The following KLF12 variants were observed in gnomAD, a reference collection of about 807,000 sequenced individuals.
KLF12 encodes the protein KLF transcription factor 12, also known as Krueppel-like factor 12.
Under a neutral mutation model 37.8 loss-of-function variants are expected in KLF12, and 9 were observed. That is an observed-to-expected ratio of 0.24 (90% CI 0.14 to 0.42). KLF12 has a LOEUF of 0.42. KLF12 is among the 10% of genes least tolerant of loss of function. KLF12 has a pLI of 1.00. For synonymous variants in KLF12, 208 were observed against 202.1 expected (o/e 1.03, Z -0.25); for missense variants, 411 against 516.0 (o/e 0.80, Z 1.97).
At chr13:74,015,502 C>T (rs1194217887) in intron 1 of KLF12, among the ~76,000 whole-genome samples, 1 of 152,130 alleles carries the variant, frequency 6.6e-6, no homozygotes, top group African/African-American at 2.4e-5. Context: ...TTTTATCCAC[C>T]CTAGTGCGCC....
At position 73,693,793 on chromosome 13, in the gene KLF12, GCAA is replaced by G. The variant is rs375363937; in HGVS notation, c.*1694_*1696del. 120 of 152,584 alleles carry G rather than the reference GCAA, an allele frequency of 7.9e-4. No individual in the cohort carries two copies. The highest frequency in any genetic ancestry group is 2.6e-3 in the African/African-American group (109 of 41,524). 9.5% of individuals were successfully genotyped at this position (152,584 alleles called of 1,614,324 possible). ...TATATCTAAGCTATAAAAAATTCTA[GCAA>G]CAACAACAATAACAACAAAAAATCT... On this transcript the variant is annotated 3_prime_UTR_variant, in exon 8 of 8. Coordinates refer to ENST00000377669, the MANE Select transcript of KLF12 (RefSeq NM_007249.5).
the KLF12 span, among the ~76,000 whole-genome samples, chr13:74,205,947 G>T: frequency 6.6e-6 from 1 of 152,144 alleles, no homozygotes; most frequent in African/African-American, 2.4e-5. Flanking sequence ...GCTTCCAGTT[G>T]CCTTGGAGGT....
chr13:74,058,623 TG>T, intron 1 of KLF12, among the ~76,000 whole-genome samples: 1 of 152,284 alleles, frequency 6.6e-6, no homozygotes, highest in African/African-American at 2.4e-5. Flanking sequence ...CCCAAAGTGC[TG>T]GGATTACAGG....
intron 3 of KLF12, among the ~76,000 whole-genome samples, chr13:73,904,045 G>T: frequency 6.6e-6 from 1 of 152,170 alleles, no homozygotes; most frequent in East Asian, 1.9e-4. Flanking sequence ...TGGCATCAAG[G>T]ATGACCATAA....
chr13:74,230,604 A>G, the KLF12 span, among the ~76,000 whole-genome samples: 1 of 152,170 alleles, frequency 6.6e-6, no homozygotes, highest in Non-Finnish European at 1.5e-5. Flanking sequence ...CCAAATGGGT[A>G]ACAGCTGGTT....
chr13:73,927,745 A>AT (rs34515464), intron 3 of KLF12, among the ~76,000 whole-genome samples: 3,264 of 135,986 alleles, frequency 0.024, 65 homozygotes, highest in African/African-American at 0.053. Context: ...ACCCGGCTAA[A>AT]TTTTTTTTTT....
At chr13:73,922,289 A>G (rs1889152273) in intron 3 of KLF12, among the ~76,000 whole-genome samples, 1 of 152,088 alleles carries the variant, frequency 6.6e-6, no homozygotes. Context: ...TCAGTTGTCT[A>G]TGTTAGACAT....
At chr13:74,238,211 T>C in the KLF12 span, among the ~76,000 whole-genome samples, 1 of 131,230 alleles carries the variant, frequency 7.6e-6, no homozygotes, top group Admixed American at 7.1e-5. Context: ...GTGGTTTTTG[T>C]CTTTGGCTCT....
the KLF12 span, among the ~76,000 whole-genome samples, chr13:74,232,314 T>C: frequency 6.6e-6 from 1 of 152,272 alleles, no homozygotes; most frequent in Non-Finnish European, 1.5e-5. Context: ...ATAGATTTTC[T>C]ATTTCCAAAT....
At chr13:73,847,051 T>TA (rs1280176752) in intron 3 of KLF12, among the ~76,000 whole-genome samples, 2 of 152,186 alleles carry the variant, frequency 1.3e-5, no homozygotes, top group Non-Finnish European at 2.9e-5. Context: ...TGCACTCTTT[T>TA]AAGTTTTAAT....
At chr13:73,753,141 G>A (rs1401129165) in intron 6 of KLF12, among the ~76,000 whole-genome samples, 3 of 152,098 alleles carry the variant, frequency 2.0e-5, no homozygotes, top group African/African-American at 7.2e-5. Context: ...CCTGCTCAAA[G>A]TCATCCGCGG....
the KLF12 span, among the ~76,000 whole-genome samples, chr13:74,270,214 T>A: frequency 6.6e-6 from 1 of 152,300 alleles, no homozygotes; most frequent in East Asian, 1.9e-4. Flanking sequence ...TAGTGTATGC[T>A]AACAAGGTGA....
At chr13:73,903,146 A>G (rs963429476) in intron 3 of KLF12, among the ~76,000 whole-genome samples, 2 of 152,226 alleles carry the variant, frequency 1.3e-5, no homozygotes, top group African/African-American at 4.8e-5. Context: ...CTAACAAAAG[A>G]TATCTTCTCA....
chr13:74,256,271 AAAC>A, the KLF12 span, among the ~76,000 whole-genome samples: 2 of 152,210 alleles, frequency 1.3e-5, no homozygotes, highest in Non-Finnish European at 2.9e-5. Flanking sequence ...TAAAAACAAT[AAAC>A]AACACAAACA....
At chr13:74,029,445 G>C (rs1177316345) in intron 1 of KLF12, among the ~76,000 whole-genome samples, 1 of 151,976 alleles carries the variant, frequency 6.6e-6, no homozygotes, top group African/African-American at 2.4e-5. Context: ...TCATAAAATT[G>C]GTACAGGCAT....
chr13:74,233,518 C>T, the KLF12 span, among the ~76,000 whole-genome samples: 2 of 152,192 alleles, frequency 1.3e-5, no homozygotes, highest in African/African-American at 4.8e-5. Flanking sequence ...GATTCATAAT[C>T]TGTAACACTT....
rs375759694 is a variant in KLF12, at chr13:74,093,171, G to A, written c.-32+40568C>T. Among the ~76,000 whole-genome samples the A allele has an allele frequency of 3.9e-5, 6 of 152,182 alleles. No homozygotes were observed. The East Asian group carries it at 7.7e-4, about 19-fold the overall frequency. On this transcript the variant is annotated intron_variant, in intron 1 of 7. Transcript: ENST00000377669. The stretch of plus-strand genomic sequence containing the variant: ...CCTTTTATTACTTAAGCCTGCCTGA[G>A]TTCATTTTCTTTACTCAAAATCAAA...
At chr13:73,949,959 GT>G (rs34494211) in intron 2 of KLF12, among the ~76,000 whole-genome samples, 49,528 of 151,948 alleles carry the variant, frequency 0.33, 9,796 homozygotes, top group East Asian at 0.59. Flanking sequence ...TCCCCCATAT[GT>G]TTCAATGATC....
At chr13:74,039,356 C>A (rs1295074301) in intron 1 of KLF12, among the ~76,000 whole-genome samples, 2 of 151,964 alleles carry the variant, frequency 1.3e-5, no homozygotes, top group Non-Finnish European at 2.9e-5. Context: ...GGCAACACAG[C>A]AAGACCCCAT....
Sources: allele counts gnomAD v4.1 joint callset (sites outside exome capture counted in the v4.1 genomes callset), GRCh38; gene constraint gnomAD v4.1.1; transcripts MANE v1.5; gene names NCBI Gene and HGNC (gene_info 2026-07-23, HGNC 2026-07-21).